The following LRRC37A variants were observed in gnomAD, a reference collection of about 807,000 sequenced individuals.
LRRC37A encodes the protein leucine rich repeat containing 37A.
Under a neutral mutation model 35.4 loss-of-function variants are expected in LRRC37A, and 3 were observed. That is an observed-to-expected ratio of 0.08 (90% confidence interval 0.04 to 0.22). LRRC37A has a LOEUF of 0.22. LRRC37A is among the 10% of genes least tolerant of loss of function. LRRC37A has a pLI of 1.00. For missense variants in LRRC37A, 67 were observed against 565.3 expected (o/e 0.12, Z 8.94); for synonymous variants, 23 against 215.0 (o/e 0.11, Z 7.81).
At chr17:46,266,142 T>C in the LRRC37A span, among the ~76,000 whole-genome samples, 1 of 152,214 alleles carries the variant, frequency 6.6e-6, no homozygotes, top group Non-Finnish European at 1.5e-5. Context: ...ACATTCTCTG[T>C]CATCTGGAAT....
chr17:46,276,790 C>CTTTTTTTTTTTTTTTTTGT, the LRRC37A span, among the ~76,000 whole-genome samples: 1 of 134,320 alleles, frequency 7.4e-6, no homozygotes, highest in African/African-American at 2.8e-5. Context: ...TTCTTTTTTT[C>CTTTTTTTTTTTTTTTTTGT]TTTTTTTTTT....
the LRRC37A span, among the ~76,000 whole-genome samples, chr17:46,263,683 C>T: frequency 2.0e-5 from 3 of 151,506 alleles, no homozygotes; most frequent in Admixed American, 6.6e-5. Context: ...GGAGAAACCC[C>T]GTCTCTGCCA....
the LRRC37A span, among the ~76,000 whole-genome samples, chr17:46,248,051 T>C: frequency 2.0e-5 from 3 of 151,840 alleles, no homozygotes; most frequent in African/African-American, 7.3e-5. Context: ...TTTACTGGGG[T>C]TCATATCATG....
At chr17:46,276,279 T>C in the LRRC37A span, among the ~76,000 whole-genome samples, 1 of 152,266 alleles carries the variant, frequency 6.6e-6, no homozygotes, top group Non-Finnish European at 1.5e-5. Flanking sequence ...TAAATTTATA[T>C]TGCAATAGCA....
In LRRC37A at chr17:46,324,863, T is replaced by A; in HGVS notation, c.3053+1836T>A. ...TAAAATATATATATATTTATATATA[T>A]GTACGTGTATATATGTATATGTATG... On this transcript the variant is annotated intron_variant, in intron 7 of 13. Transcript: ENST00000320254. Among the ~76,000 whole-genome samples, 2 of 75,612 alleles carry A rather than the reference T, an allele frequency of 2.6e-5. 1 individual carries two copies. The highest frequency in any genetic ancestry group is 5.0e-4 in the East Asian group (2 of 3,976). The allele number at this position is 75,612 out of a possible 152,430, so 49.6% of individuals were successfully genotyped here. A position where few individuals can be genotyped will look rare whatever the true frequency, so the allele number is the denominator to read the frequency against.
chr17:46,253,524 A>G, the LRRC37A span, among the ~76,000 whole-genome samples: 1 of 152,194 alleles, frequency 6.6e-6, no homozygotes, highest in Non-Finnish European at 1.5e-5. Context: ...AGGCTGGCGG[A>G]TCACTCGCGG....
At chr17:46,298,792 T>A in intron 1 of LRRC37A, among the ~76,000 whole-genome samples, 1 of 66,804 alleles carries the variant, frequency 1.5e-5, no homozygotes, top group African/African-American at 4.7e-5. Context: ...GAGGTATATA[T>A]AATTAAGTAC....
At chr17:46,275,847 C>A in the LRRC37A span, among the ~76,000 whole-genome samples, 1 of 151,808 alleles carries the variant, frequency 6.6e-6, no homozygotes, top group African/African-American at 2.4e-5. Context: ...TCATATTTTT[C>A]TATTAAAGTC....
intron 7 of LRRC37A, among the ~76,000 whole-genome samples, chr17:46,324,153 C>T (rs1431214709): frequency 0.012 from 1,327 of 113,318 alleles, no homozygotes; most frequent in African/African-American, 0.044. Context: ...TGCCTGTAAT[C>T]CCAGCTACTC....
At chr17:46,271,843 C>T in the LRRC37A span, among the ~76,000 whole-genome samples, 1 of 152,230 alleles carries the variant, frequency 6.6e-6, no homozygotes, top group South Asian at 2.1e-4. Context: ...CTCACTACAA[C>T]CTCTGCCTCC....
chr17:46,306,162 A>G (rs2050555680), intron 4 of LRRC37A, 67 bp from the exon 5 acceptor site: 1 of 209,184 alleles, frequency 4.8e-6, no homozygotes, highest in East Asian at 4.2e-5. Context: ...ATAAATTAGA[A>G]TCATGGCAAA....
intron 10 of LRRC37A, among the ~76,000 whole-genome samples, chr17:46,332,877 A>T (rs273535): frequency 0.56 from 83,224 of 149,178 alleles, 20,555 homozygotes; most frequent in South Asian, 0.71. Flanking sequence ...ATTGAAACCA[A>T]GTGAATCCCA....
chr17:46,276,362 T>G, the LRRC37A span, among the ~76,000 whole-genome samples: 21,749 of 152,078 alleles, frequency 0.14, 1,889 homozygotes, highest in Non-Finnish European at 0.22. Flanking sequence ...ATAAATTTTT[T>G]ACCACTATAC....
the LRRC37A span, among the ~76,000 whole-genome samples, chr17:46,249,648 GA>G: frequency 6.6e-6 from 1 of 152,162 alleles, no homozygotes; most frequent in African/African-American, 2.4e-5. Flanking sequence ...AGATACAGGG[GA>G]GGGGGCGCCC....
At chr17:46,263,038 C>T in the LRRC37A span, among the ~76,000 whole-genome samples, 2 of 152,082 alleles carry the variant, frequency 1.3e-5, no homozygotes, top group Non-Finnish European at 2.9e-5. Context: ...CATGGTGAAA[C>T]CCCATCTCTA....
the LRRC37A span, chr17:46,267,225 G>A: frequency 4.3e-6 from 3 of 705,686 alleles, no homozygotes; most frequent in Non-Finnish European, 6.8e-6. Context: ...CGAGATCCCA[G>A]GGCGCCCGAC....
At chr17:46,251,180 G>C in the LRRC37A span, among the ~76,000 whole-genome samples, 2 of 151,964 alleles carry the variant, frequency 1.3e-5, no homozygotes, top group Non-Finnish European at 2.9e-5. Context: ...TAGTCCCGTG[G>C]TTCTCAACTG....
chr17:46,281,433 A>C, the LRRC37A span, among the ~76,000 whole-genome samples: 1 of 151,934 alleles, frequency 6.6e-6, no homozygotes, highest in African/African-American at 2.4e-5. Context: ...TCTGTGATTC[A>C]GGCTGGAGAG....
chr17:46,251,748 C>A, the LRRC37A span, among the ~76,000 whole-genome samples: 4 of 150,536 alleles, frequency 2.7e-5, no homozygotes, highest in African/African-American at 9.7e-5. Context: ...ATGATTTCTT[C>A]TTTGTCCCCA....
Sources: gnomAD v4.1 joint callset for allele counts (sites outside exome capture counted in the v4.1 genomes callset) on GRCh38, gnomAD v4.1.1 for gene constraint, MANE v1.5 for transcripts, NCBI Gene and HGNC (gene_info 2026-07-23, HGNC 2026-07-21) for gene names.